The following CALN1 variants were observed in gnomAD, a reference collection of about 807,000 sequenced individuals.
The protein encoded by CALN1 is calneuron 1.
In CALN1, 17 loss-of-function variants were observed where a neutral mutation model predicts 30.6. The observed-to-expected ratio is 0.56, with a 90% CI of 0.38 to 0.83. The LOEUF (loss-of-function observed/expected upper bound fraction) is 0.83. Ranked by LOEUF, CALN1 falls within the 40% of genes least tolerant of loss-of-function variation. The pLI is 0.00. For missense variants in CALN1, 291 were observed against 354.9 expected (o/e 0.82, Z 1.45); for synonymous variants, 156 against 131.4 (o/e 1.19, Z -1.28).
intron 3 of CALN1, among the ~76,000 whole-genome samples, chr7:72,205,494 C>CTGGGATT (rs1269757356): frequency 8.4e-5 from 12 of 143,430 alleles, no homozygotes; most frequent in Middle Eastern, 3.6e-3. Flanking sequence ...TGAGCCACCA[C>CTGGGATT]ACCCAGCCTT....
rs1471753761 is a variant in CALN1, at chr7:72,341,038, T to TAGCTTTA, written c.119+62212_119+62213insTAAAGCT. ...TCTTTATCAGCAATGTGAAAACGAA[T>TAGCTTTA]TCATACAGAAGGTATTATATTTACA... On this transcript the variant is annotated intron_variant, in intron 2 of 6. Transcript: ENST00000395275. 8.1e-4 allele frequency among the ~76,000 whole-genome samples: 123 copies of TAGCTTTA among 152,304 alleles called. 1 individual carries two copies. The highest frequency in any genetic ancestry group is 7.6e-4 in the Non-Finnish European group (52 of 68,024).
intron 4 of CALN1, among the ~76,000 whole-genome samples, chr7:72,100,857 AT>A (rs1373187568): frequency 2.0e-5 from 3 of 151,222 alleles, no homozygotes; most frequent in Admixed American, 1.3e-4. Flanking sequence ...ACTTCTGGAC[AT>A]AACTAGGAAT....
intron 2 of CALN1, among the ~76,000 whole-genome samples, chr7:72,393,361 G>A (rs1185618175): frequency 6.6e-6 from 1 of 152,120 alleles, no homozygotes; most frequent in Non-Finnish European, 1.5e-5. Context: ...CTACTCGGGA[G>A]GCTGAGGCAG....
chr7:72,377,045 T>C (rs1399443928), intron 2 of CALN1, among the ~76,000 whole-genome samples: 3 of 152,232 alleles, frequency 2.0e-5, no homozygotes, highest in Non-Finnish European at 4.4e-5. Flanking sequence ...TTCCATGGCA[T>C]ATATTTTTAT....
At chr7:72,371,373 GAA>G (rs1369160381) in intron 2 of CALN1, among the ~76,000 whole-genome samples, 1 of 152,172 alleles carries the variant, frequency 6.6e-6, no homozygotes, top group Admixed American at 6.5e-5. Flanking sequence ...ACATGTTGTG[GAA>G]GAGACCAGGT....
intron 2 of CALN1, among the ~76,000 whole-genome samples, chr7:72,373,090 C>G (rs556091988): frequency 1.3e-5 from 2 of 152,212 alleles, no homozygotes; most frequent in Non-Finnish European, 2.9e-5. Context: ...AATTTTAGAA[C>G]TTAAAAATAC....
chr7:72,391,010 T>C (rs1413574502), intron 2 of CALN1, among the ~76,000 whole-genome samples: 2 of 152,214 alleles, frequency 1.3e-5, no homozygotes, highest in Non-Finnish European at 2.9e-5. Flanking sequence ...TCTTTGTACA[T>C]TGTAATTTTT....
chr7:72,173,845 A>G (rs1000449112), intron 3 of CALN1, among the ~76,000 whole-genome samples: 1 of 152,164 alleles, frequency 6.6e-6, no homozygotes, highest in African/African-American at 2.4e-5. Flanking sequence ...ATTGGGAACA[A>G]AAGACAAGAG....
intron 3 of CALN1, among the ~76,000 whole-genome samples, chr7:72,225,137 T>C (rs1457185070): frequency 9.3e-5 from 14 of 150,338 alleles, no homozygotes; most frequent in Non-Finnish European, 1.6e-4. Context: ...GCATTTTCCC[T>C]GCACTTGGTC....
intron 5 of CALN1, among the ~76,000 whole-genome samples, chr7:71,885,411 C>T (rs926759641): frequency 6.6e-5 from 10 of 152,224 alleles, no homozygotes; most frequent in African/African-American, 1.7e-4. Context: ...CTCGGCCTCC[C>T]GAAGTGCTGG....
At chr7:71,949,382 G>A (rs1048164802) in intron 5 of CALN1, among the ~76,000 whole-genome samples, 1 of 151,832 alleles carries the variant, frequency 6.6e-6, no homozygotes, top group African/African-American at 2.4e-5. Context: ...ACCTCGAGAG[G>A]GTTTTTTGTT....
At chr7:71,806,726 C>CG (rs1374161801) in intron 6 of CALN1, among the ~76,000 whole-genome samples, 3 of 152,242 alleles carry the variant, frequency 2.0e-5, no homozygotes, top group South Asian at 2.1e-4. Flanking sequence ...AAGGACCCCC[C>CG]CCCAGGGAGC....
intron 5 of CALN1, among the ~76,000 whole-genome samples, chr7:71,834,980 C>T (rs996361878): frequency 5.3e-5 from 8 of 152,120 alleles, no homozygotes; most frequent in African/African-American, 1.7e-4. Context: ...TATGGGTGCA[C>T]ATCACCATGC....
intron 5 of CALN1, among the ~76,000 whole-genome samples, chr7:71,975,128 T>G (rs1276381208): frequency 6.6e-6 from 1 of 152,122 alleles, no homozygotes; most frequent in African/African-American, 2.4e-5. Context: ...ACAGATACTC[T>G]TCTCTGGGCA....
chr7:72,378,915 G>C (rs1804729853), intron 2 of CALN1, among the ~76,000 whole-genome samples: 1 of 152,042 alleles, frequency 6.6e-6, no homozygotes, highest in Non-Finnish European at 1.5e-5. Context: ...AGGAATGAAT[G>C]TTGGATTTTG....
chr7:71,948,716 G>C (rs10249154), intron 5 of CALN1, among the ~76,000 whole-genome samples: 25,453 of 145,458 alleles, frequency 0.17, 2,292 homozygotes, highest in Middle Eastern at 0.24. Context: ...GGGTGACAGA[G>C]AGAGACTCTG....
At chr7:72,039,392 T>A (rs1801989775) in intron 4 of CALN1, among the ~76,000 whole-genome samples, 1 of 152,206 alleles carries the variant, frequency 6.6e-6, no homozygotes, top group Admixed American at 6.5e-5. Context: ...CTTCCCTGTC[T>A]CATATCTTTC....
intron 5 of CALN1, among the ~76,000 whole-genome samples, chr7:71,882,978 T>C (rs1396393247): frequency 1.3e-5 from 2 of 151,888 alleles, no homozygotes; most frequent in Non-Finnish European, 2.9e-5. Flanking sequence ...ACCTCCAAAG[T>C]TTCCAGGATT....
At chr7:71,887,560 A>G (rs1792988591) in intron 5 of CALN1, among the ~76,000 whole-genome samples, 1 of 152,130 alleles carries the variant, frequency 6.6e-6, no homozygotes, top group African/African-American at 2.4e-5. Context: ...CGGCCTCCCA[A>G]AGTGCTGGGA....
Sources: allele counts gnomAD v4.1 joint callset (sites outside exome capture counted in the v4.1 genomes callset), GRCh38; gene constraint gnomAD v4.1.1; transcripts MANE v1.5; gene names NCBI Gene and HGNC (gene_info 2026-07-23, HGNC 2026-07-21).